KCNN2: variants seen among roughly 807,000 people sequenced by gnomAD.
KCNN2 encodes the protein small conductance calcium-activated potassium channel protein 2.
KCNN2 carries 24 observed loss-of-function variants against 55.5 expected under a neutral mutation model. The observed-to-expected ratio is 0.43, with a 90% CI of 0.31 to 0.61. The LOEUF (loss-of-function observed/expected upper bound fraction) is 0.61, where lower values mean the gene tolerates loss of function less well. Ranked by LOEUF, KCNN2 falls within the 20% of genes least tolerant of loss-of-function variation. The pLI, the probability that KCNN2 is intolerant of heterozygous loss-of-function variation, is 0.08. For synonymous variants in KCNN2, 431 were observed against 336.1 expected (o/e 1.28, Z -3.09); for missense variants, 754 against 853.6 (o/e 0.88, Z 1.45).
At chr5:114,256,191 T>C (rs1303121833) in intron 2 of KCNN2, among the ~76,000 whole-genome samples, 1 of 152,188 alleles carries the variant, frequency 6.6e-6, no homozygotes, top group Non-Finnish European at 1.5e-5. Context: ...TTATTTTTCA[T>C]GGCTGAGTAG....
chr5:114,065,648 G>A (rs1164283060), intron 1 of KCNN2, among the ~76,000 whole-genome samples: 2 of 151,964 alleles, frequency 1.3e-5, no homozygotes, highest in East Asian at 3.9e-4. Context: ...ACTTTCTGTG[G>A]ACATTTGCAA....
intron 1 of KCNN2, among the ~76,000 whole-genome samples, chr5:114,171,520 C>A (rs1753032377): frequency 1.3e-5 from 2 of 151,904 alleles, no homozygotes; most frequent in Admixed American, 1.3e-4. Flanking sequence ...CTCTCCTGCT[C>A]CTTGGGAGCA....
chr5:114,185,155 AAG>A (rs1485242332), intron 1 of KCNN2, among the ~76,000 whole-genome samples: 1 of 152,226 alleles, frequency 6.6e-6, no homozygotes, highest in Non-Finnish European at 1.5e-5. Flanking sequence ...GTTAAAAGGA[AAG>A]AGAGGAAAAG....
chr5:114,180,741 C>A (rs1017927250), intron 1 of KCNN2, among the ~76,000 whole-genome samples: 1 of 152,126 alleles, frequency 6.6e-6, no homozygotes, highest in Non-Finnish European at 1.5e-5. Flanking sequence ...TAATACAATA[C>A]AGACTATAGC....
At chr5:114,460,331 C>T (rs567007795) in intron 3 of KCNN2, among the ~76,000 whole-genome samples, 1 of 152,256 alleles carries the variant, frequency 6.6e-6, no homozygotes, top group Admixed American at 6.5e-5. Context: ...CAACCTCTGC[C>T]TCCCAGGTTC....
chr5:114,190,933 C>T (rs190536521), intron 1 of KCNN2, among the ~76,000 whole-genome samples: 51 of 152,178 alleles, frequency 3.4e-4, no homozygotes, highest in Admixed American at 1.0e-3. Context: ...CTCTTGGAAC[C>T]TAAGGTTATT....
chr5:114,401,842 A>G (rs918801928), intron 2 of KCNN2, among the ~76,000 whole-genome samples: 1 of 152,192 alleles, frequency 6.6e-6, no homozygotes, highest in South Asian at 2.1e-4. Flanking sequence ...GAAGTTGGAG[A>G]GATAGGCAAA....
intron 1 of KCNN2, among the ~76,000 whole-genome samples, chr5:114,157,926 G>A (rs1248200697): frequency 6.6e-6 from 1 of 151,104 alleles, no homozygotes; most frequent in Non-Finnish European, 1.5e-5. Flanking sequence ...TGAGTAGATT[G>A]CAAAAATTTT....
chr5:114,061,906 C>A (rs1400099039), intron 1 of KCNN2, among the ~76,000 whole-genome samples: 1 of 152,160 alleles, frequency 6.6e-6, no homozygotes, highest in South Asian at 2.1e-4. Flanking sequence ...GTCCAGTCAA[C>A]TGGATGTTTT....
At chr5:114,096,734 C>T (rs1470826755) in intron 1 of KCNN2, among the ~76,000 whole-genome samples, 2 of 152,192 alleles carry the variant, frequency 1.3e-5, no homozygotes, top group Non-Finnish European at 2.9e-5. Flanking sequence ...TCATTTCTCA[C>T]TGGAAAGTCC....
At chr5:114,376,103 A>C (rs1191090550) in intron 2 of KCNN2, among the ~76,000 whole-genome samples, 4 of 150,604 alleles carry the variant, frequency 2.7e-5, no homozygotes, top group Non-Finnish European at 5.9e-5. Flanking sequence ...TGTCCTTTGG[A>C]TGTTTCTTAC....
chr5:114,470,715 G>A (rs558312030), intron 4 of KCNN2, among the ~76,000 whole-genome samples: 70 of 152,184 alleles, frequency 4.6e-4, no homozygotes, highest in Middle Eastern at 6.8e-3. Context: ...CTTGTTTATC[G>A]TGTCTTCATA....
At chr5:114,455,404 C>T (rs1035625240) in intron 3 of KCNN2, among the ~76,000 whole-genome samples, 9 of 152,182 alleles carry the variant, frequency 5.9e-5, no homozygotes, top group African/African-American at 1.9e-4. Context: ...AGAAGGCAAA[C>T]TTAAATGATA....
chr5:114,482,774 G>A (rs1364341175), intron 5 of KCNN2, among the ~76,000 whole-genome samples: 2 of 152,080 alleles, frequency 1.3e-5, no homozygotes, highest in Non-Finnish European at 2.9e-5. Flanking sequence ...ACTAATGCAG[G>A]AACAGAAAAT....
intron 2 of KCNN2, among the ~76,000 whole-genome samples, chr5:114,279,646 T>C (rs1209015942): frequency 6.6e-6 from 1 of 152,234 alleles, no homozygotes; most frequent in African/African-American, 2.4e-5. Flanking sequence ...TTTTTATGGC[T>C]GCATAGTATT....
chr5:114,155,793 T>C (rs558786348), intron 1 of KCNN2, among the ~76,000 whole-genome samples: 46 of 152,344 alleles, frequency 3.0e-4, no homozygotes, highest in Middle Eastern at 6.8e-3. Context: ...CTTTGTCAGA[T>C]GCATAGTTTG....
At chr5:114,385,057 A>G (rs186089727) in intron 2 of KCNN2, among the ~76,000 whole-genome samples, 1 of 152,184 alleles carries the variant, frequency 6.6e-6, no homozygotes, top group East Asian at 1.9e-4. Context: ...GAAATGCTCT[A>G]TCTTATTAAC....
chr5:114,305,792 C>T (rs1176966768), intron 2 of KCNN2, among the ~76,000 whole-genome samples: 1 of 152,124 alleles, frequency 6.6e-6, no homozygotes, highest in Non-Finnish European at 1.5e-5. Flanking sequence ...CTCCAGTGCC[C>T]TCTATTGACA....
At chr5:114,208,148 C>A (rs1156889017) in intron 1 of KCNN2, among the ~76,000 whole-genome samples, 1 of 152,170 alleles carries the variant, frequency 6.6e-6, no homozygotes, top group Non-Finnish European at 1.5e-5. Context: ...ATATTCATTT[C>A]TCTCATACAT....
Sources: gnomAD v4.1 joint callset for allele counts (sites outside exome capture counted in the v4.1 genomes callset) on GRCh38, gnomAD v4.1.1 for gene constraint, MANE v1.5 for transcripts, NCBI Gene and HGNC (gene_info 2026-07-23, HGNC 2026-07-21) for gene names.